NRIP3: variants seen among roughly 807,000 people sequenced by gnomAD.
The protein encoded by NRIP3 is nuclear receptor interacting protein 3.
Under a neutral mutation model 29.0 loss-of-function variants are expected in NRIP3, and 31 were observed. The ratio of observed to expected loss-of-function variants is 1.07; its 90% confidence interval spans 0.80 to 1.44. The LOEUF (loss-of-function observed/expected upper bound fraction) is 1.44. NRIP3 is among the 40% of genes most tolerant of loss of function. The pLI, the probability that NRIP3 is intolerant of heterozygous loss-of-function variation, is 0.00. For missense variants in NRIP3, 314 were observed against 297.9 expected, an observed-to-expected ratio of 1.05 and a Z score of -0.40; for synonymous variants, 131 against 118.3, an observed-to-expected ratio of 1.11 and a Z score of -0.70.
intron 3 of NRIP3, 143 bp from the exon 4 acceptor site, chr11:8,985,993 A>G (rs1854516319): frequency 2.2e-6 from 2 of 922,396 alleles, no homozygotes; most frequent in South Asian, 1.6e-5. Flanking sequence ...CATCCTACAT[A>G]TGTTGTTCCA....
intron 1 of NRIP3, among the ~76,000 whole-genome samples, chr11:8,992,135 A>T (rs1854613127): frequency 6.6e-6 from 1 of 152,218 alleles, no homozygotes; most frequent in African/African-American, 2.4e-5. Flanking sequence ...TGTACTACTC[A>T]AACTAAAATT....
In NRIP3 at chr11:8,985,895, C is replaced by G. The variant is rs747724768; in HGVS notation, c.423-45G>C. The G allele has an allele frequency of 5.6e-6, 9 of 1,605,626 alleles. No individual in the cohort carries two copies. The Admixed American group carries it at 1.5e-4, about 27-fold the overall frequency. On this transcript the variant is annotated intron_variant, in intron 3 of 6. Transcript: ENST00000309166. The stretch of plus-strand genomic sequence containing the variant: ...ACCAAAATCCCCTTGACAGAGATTC[C>G]TGGTAGAATCCTGCAATGCCTACCT...
chr11:8,993,655 A>G (rs1220973662), intron 1 of NRIP3, among the ~76,000 whole-genome samples: 1 of 152,036 alleles, frequency 6.6e-6, no homozygotes, highest in African/African-American at 2.4e-5. Flanking sequence ...CAAAAAATAC[A>G]AAAATTAGCC....
At chr11:8,994,735 C>T (rs1854670667) in intron 1 of NRIP3, among the ~76,000 whole-genome samples, 1 of 152,196 alleles carries the variant, frequency 6.6e-6, no homozygotes, top group Admixed American at 6.5e-5. Flanking sequence ...TCTAAAACCA[C>T]CTGTTTATTC....
Position 8,983,176 on chromosome 11 carries a change from T to A in NRIP3, c.*369A>T, listed in dbSNP as rs537975209. 150 of 399,964 alleles carry A rather than the reference T, an allele frequency of 3.8e-4. No homozygotes were observed. Among genetic ancestry groups the A allele is most frequent in the African/African-American group, 2.9e-3 (141 of 48,360 alleles). The allele number at this position is 399,964 out of a possible 1,614,324, so 24.8% of individuals were successfully genotyped here. A position where few individuals can be genotyped will look rare whatever the true frequency, so the allele number is the denominator to read the frequency against. ...GGTCAGGTTCCTGTTTATTATACAT[T>A]TAGCTATAGGAAAAGAAGCACATAT... On this transcript the variant is annotated 3_prime_UTR_variant, in exon 7 of 7. Coordinates refer to ENST00000309166, the MANE Select transcript of NRIP3 (RefSeq NM_020645.3).
chr11:8,990,662 T>C (rs1049756526), intron 1 of NRIP3, among the ~76,000 whole-genome samples: 3 of 152,064 alleles, frequency 2.0e-5, no homozygotes, highest in Non-Finnish European at 4.4e-5. Flanking sequence ...CATGGTGGCA[T>C]GCACCTTTAA....
intron 1 of NRIP3, among the ~76,000 whole-genome samples, chr11:9,001,671 G>A (rs1047534023): frequency 3.9e-5 from 6 of 152,178 alleles, no homozygotes; most frequent in African/African-American, 1.4e-4. Context: ...GAATAATAAT[G>A]TACTTCTAAG....
At position 8,988,292 on chromosome 11, in the gene NRIP3, T is replaced by C. The variant is rs368658483; in HGVS notation, c.175-10A>G. 4 of 1,610,940 alleles carry C rather than the reference T, an allele frequency of 2.5e-6. No homozygotes were observed. The highest frequency in any genetic ancestry group is 4.5e-5 in the East Asian group (2 of 44,840). On this transcript the variant is annotated splice_polypyrimidine_tract_variant and intron_variant, in intron 1 of 6. Transcript: ENST00000309166. ...GAATATTATGAGGTTGCTTGAGGGA[T>C]AGAAAGCAGAGACTTCTTAGTGACA...
At position 8,985,796 on chromosome 11, in the gene NRIP3, G is replaced by T; in HGVS notation, c.477C>A (p.Pro159=). ...TCTGGCCCACTACTTTGAGATGCCG[G>T]GGTAGAGAAAGCTTTTCTCCTTCAT... ...HKHEGEKLSL[P]RHLKVVGQIE... Residue 159 remains proline, a synonymous_variant, in exon 4 of 7, where the codon CCC becomes CCA. Transcript: ENST00000309166. 1 of 1,614,124 alleles carries T rather than the reference G, an allele frequency of 6.2e-7. No homozygotes were observed. Among genetic ancestry groups the T allele is most frequent in the South Asian group, 1.1e-5 (1 of 91,076 alleles).
intron 1 of NRIP3, among the ~76,000 whole-genome samples, chr11:8,989,144 G>A (rs984473219): frequency 6.6e-6 from 1 of 152,164 alleles, no homozygotes; most frequent in East Asian, 1.9e-4. Flanking sequence ...GTGAGTTTAA[G>A]TCTACACTTT....
intron 2 of NRIP3, 53 bp downstream of exon 2, chr11:8,988,065 C>T: frequency 6.4e-7 from 1 of 1,564,274 alleles, no homozygotes; most frequent in Middle Eastern, 1.7e-4. Flanking sequence ...GAGGAGAGGG[C>T]CCCACATCCT....
At chr11:8,996,246 C>T (rs958612009) in intron 1 of NRIP3, among the ~76,000 whole-genome samples, 2 of 151,312 alleles carry the variant, frequency 1.3e-5, no homozygotes, top group African/African-American at 4.9e-5. Flanking sequence ...AAATCTCTAC[C>T]CCTTCTTTCT....
chr11:8,988,397 G>T, intron 1 of NRIP3, 115 bp from the exon 2 acceptor site: 1 of 832,720 alleles, frequency 1.2e-6, no homozygotes, highest in Non-Finnish European at 1.9e-6. Flanking sequence ...CTCTATCTTT[G>T]CTTCTTATTT....
At chr11:8,990,727 G>A (rs138648051) in intron 1 of NRIP3, among the ~76,000 whole-genome samples, 3,260 of 152,282 alleles carry the variant, frequency 0.021, 47 homozygotes, top group Non-Finnish European at 0.034. Flanking sequence ...AGGAGGCCGA[G>A]GTTGCAGTGA....
rs147058816 is a variant in NRIP3 at position 8,989,666 on chromosome 11, C to T, written c.175-1384G>A. On this transcript the variant is annotated intron_variant, in intron 1 of 6. Transcript: ENST00000309166. Reference sequence around the variant, plus strand: ...GAGGCACTTGTAAAGAAAATGAGAGCTTCTTAGCTTGACTAGGAGCTAGAG... The same window carrying T: ...GAGGCACTTGTAAAGAAAATGAGAGTTTCTTAGCTTGACTAGGAGCTAGAG... 3.3e-3 allele frequency among the ~76,000 whole-genome samples: 496 copies of T among 152,314 alleles called. 3 individuals are homozygous for T. Among genetic ancestry groups the T allele is most frequent in the African/African-American group, 0.011 (465 of 41,556 alleles).
At chr11:8,990,351 G>A (rs982336293) in intron 1 of NRIP3, among the ~76,000 whole-genome samples, 1 of 152,068 alleles carries the variant, frequency 6.6e-6, no homozygotes, top group Non-Finnish European at 1.5e-5. Flanking sequence ...AAATACAATA[G>A]ACATTTTCAG....
intron 1 of NRIP3, among the ~76,000 whole-genome samples, chr11:8,996,440 C>G (rs1229848161): frequency 2.6e-5 from 4 of 151,952 alleles, no homozygotes; most frequent in Non-Finnish European, 5.9e-5. Context: ...AGCAGCACAC[C>G]CAGCTAATTT....
chr11:8,989,450 G>C (rs922920850), intron 1 of NRIP3, among the ~76,000 whole-genome samples: 1 of 152,188 alleles, frequency 6.6e-6, no homozygotes, highest in Non-Finnish European at 1.5e-5. Context: ...CCAGAGCCTA[G>C]AACCTTTCAA....
intron 3 of NRIP3, 116 bp from the exon 4 acceptor site, chr11:8,985,966 T>G: frequency 8.2e-7 from 1 of 1,212,624 alleles, no homozygotes; most frequent in Non-Finnish European, 1.2e-6. Flanking sequence ...GGGATTAATC[T>G]ACCGAAAAGT....
Sources: allele counts gnomAD v4.1 joint callset (sites outside exome capture counted in the v4.1 genomes callset), GRCh38; gene constraint gnomAD v4.1.1; transcripts MANE v1.5; gene names NCBI Gene and HGNC (gene_info 2026-07-23, HGNC 2026-07-21).